The following PPM1H variants were observed in gnomAD, a reference collection of about 807,000 sequenced individuals.
PPM1H encodes protein phosphatase, Mg2+/Mn2+ dependent 1H.
In PPM1H, 27 loss-of-function variants were observed where a neutral mutation model predicts 54.9. The ratio of observed to expected loss-of-function variants is 0.49; its 90% CI spans 0.36 to 0.68. The LOEUF (loss-of-function observed/expected upper bound fraction) is 0.68, where lower values mean the gene tolerates loss of function less well. Ranked by LOEUF, PPM1H falls within the 30% of genes least tolerant of loss-of-function variation. The probability of loss-of-function intolerance (pLI) is 0.00; values close to 1 mark genes in which losing one functional copy is unlikely to be tolerated. For missense variants in PPM1H, 596 were observed against 667.8 expected (o/e 0.89, Z 1.19); for synonymous variants, 305 against 270.8 (o/e 1.13, Z -1.24).
chr12:62,834,551 A>T (rs571807045), intron 1 of PPM1H, among the ~76,000 whole-genome samples: 71 of 152,290 alleles, frequency 4.7e-4, no homozygotes, highest in Non-Finnish European at 6.8e-4. Context: ...ATAGAATAAA[A>T]AAATCAGGCA....
chr12:62,804,684 T>C (rs905268525), intron 2 of PPM1H, among the ~76,000 whole-genome samples: 1 of 143,982 alleles, frequency 6.9e-6, no homozygotes, highest in Non-Finnish European at 1.5e-5. Flanking sequence ...TTCTTTTTTT[T>C]TTTTTTTTTG....
At chr12:62,708,578 A>AGT (rs2076188805) in intron 6 of PPM1H, among the ~76,000 whole-genome samples, 1 of 152,230 alleles carries the variant, frequency 6.6e-6, no homozygotes, top group East Asian at 1.9e-4. Flanking sequence ...GAGTACCTGG[A>AGT]AAATTTCAGG....
At chr12:62,713,620 G>A (rs749068203) in intron 6 of PPM1H, among the ~76,000 whole-genome samples, 8 of 152,138 alleles carry the variant, frequency 5.3e-5, no homozygotes, top group South Asian at 2.1e-4. Context: ...ACCAGAGGCC[G>A]GTGTGGCTAC....
At chr12:62,753,460 C>T (rs1347477993) in intron 4 of PPM1H, among the ~76,000 whole-genome samples, 1 of 152,196 alleles carries the variant, frequency 6.6e-6, no homozygotes, top group African/African-American at 2.4e-5. Context: ...CCAAATCTAA[C>T]TAAGGGATGA....
intron 2 of PPM1H, among the ~76,000 whole-genome samples, chr12:62,810,892 T>C (rs2076831280): frequency 1.3e-5 from 2 of 152,344 alleles, no homozygotes; most frequent in African/African-American, 4.8e-5. Context: ...CATGTAATGG[T>C]ACATGTCTTG....
chr12:62,734,318 C>G (rs758773202), intron 5 of PPM1H, among the ~76,000 whole-genome samples: 4 of 152,030 alleles, frequency 2.6e-5, no homozygotes, highest in Non-Finnish European at 5.9e-5. Context: ...TACAGCAGCC[C>G]AAACAGATGA....
At chr12:62,810,893 A>G (rs2076831299) in intron 2 of PPM1H, among the ~76,000 whole-genome samples, 1 of 152,216 alleles carries the variant, frequency 6.6e-6, no homozygotes, top group African/African-American at 2.4e-5. Context: ...ATGTAATGGT[A>G]CATGTCTTGG....
intron 6 of PPM1H, 98 bp from the exon 7 acceptor site, chr12:62,694,097 C>T: frequency 9.6e-7 from 1 of 1,045,384 alleles, no homozygotes; most frequent in Non-Finnish European, 1.4e-6. Context: ...CCCTGAGACC[C>T]CATCCACTCA....
chr12:62,931,144 A>G (rs911197923), intron 1 of PPM1H, among the ~76,000 whole-genome samples: 4 of 152,234 alleles, frequency 2.6e-5, no homozygotes, highest in Non-Finnish European at 5.9e-5. Context: ...GTCAGTCATC[A>G]ACATTAACTC....
intron 6 of PPM1H, among the ~76,000 whole-genome samples, chr12:62,717,820 A>G (rs1031026187): frequency 6.6e-6 from 1 of 152,214 alleles, no homozygotes; most frequent in African/African-American, 2.4e-5. Flanking sequence ...CATTAAAGTG[A>G]CGATGCCTAT....
At chr12:62,788,555 G>A in intron 3 of PPM1H, 1 of 429,926 alleles carries the variant, frequency 2.3e-6, no homozygotes, top group Non-Finnish European at 4.2e-6. Context: ...CCAGAGACAG[G>A]AAACAATAGA....
intron 1 of PPM1H, among the ~76,000 whole-genome samples, chr12:62,853,247 T>G (rs1337979055): frequency 2.6e-5 from 4 of 151,858 alleles, no homozygotes; most frequent in Non-Finnish European, 5.9e-5. Context: ...AAGGAAAAAA[T>G]GTATTTAGGG....
chr12:62,907,036 G>A (rs905465648), intron 1 of PPM1H, among the ~76,000 whole-genome samples: 2 of 152,148 alleles, frequency 1.3e-5, no homozygotes, highest in Non-Finnish European at 2.9e-5. Context: ...TCCCCTACAG[G>A]GATTAAATCA....
chr12:62,673,946 A>T (rs2075971817), intron 8 of PPM1H, among the ~76,000 whole-genome samples: 1 of 151,614 alleles, frequency 6.6e-6, no homozygotes, highest in African/African-American at 2.4e-5. Context: ...CAAACTCCTG[A>T]GCTCAAGAGA....
chr12:62,671,279 G>C (rs1213728251), intron 8 of PPM1H, among the ~76,000 whole-genome samples: 1 of 152,156 alleles, frequency 6.6e-6, no homozygotes, highest in Non-Finnish European at 1.5e-5. Flanking sequence ...AAACGGCTTT[G>C]AAGTGGGACT....
chr12:62,872,615 G>T (rs1283648656), intron 1 of PPM1H, among the ~76,000 whole-genome samples: 2 of 152,182 alleles, frequency 1.3e-5, no homozygotes, highest in African/African-American at 4.8e-5. Context: ...TGTGTTGAAA[G>T]AATAATTATA....
At chr12:62,908,017 A>G (rs1193703443) in intron 1 of PPM1H, among the ~76,000 whole-genome samples, 1 of 152,252 alleles carries the variant, frequency 6.6e-6, no homozygotes, top group Non-Finnish European at 1.5e-5. Flanking sequence ...TTTATTTTAA[A>G]ATGTAGTACA....
At chr12:62,784,159 G>A (rs1160090941) in intron 4 of PPM1H, among the ~76,000 whole-genome samples, 1 of 152,190 alleles carries the variant, frequency 6.6e-6, no homozygotes, top group Admixed American at 6.5e-5. Context: ...GTTACTGCAT[G>A]TGCCTCTGTG....
At chr12:62,873,877 C>G (rs1870073118) in intron 1 of PPM1H, among the ~76,000 whole-genome samples, 1 of 152,002 alleles carries the variant, frequency 6.6e-6, no homozygotes, top group Non-Finnish European at 1.5e-5. Flanking sequence ...AACAAGGAGC[C>G]CTAACTTAGA....
Sources: allele counts gnomAD v4.1 joint callset (sites outside exome capture counted in the v4.1 genomes callset), GRCh38; gene constraint gnomAD v4.1.1; transcripts MANE v1.5; gene names NCBI Gene and HGNC (gene_info 2026-07-23, HGNC 2026-07-21).